The following TSPAN11 variants were observed in gnomAD, a reference collection of about 807,000 sequenced individuals.
The protein encoded by TSPAN11 is tetraspanin-11.
In TSPAN11, 29 loss-of-function variants were observed where a neutral mutation model predicts 32.9. That is an observed-to-expected ratio of 0.88 (90% confidence interval 0.66 to 1.20). TSPAN11 has a LOEUF of 1.20. Among genes scored for constraint, TSPAN11 ranks in the 50% most tolerant of loss-of-function variants. TSPAN11 has a pLI of 0.00. For synonymous variants in TSPAN11, 140 were observed against 141.3 expected (o/e 0.99, Z 0.07); for missense variants, 283 against 329.1 (o/e 0.86, Z 1.08).
chr12:30,958,365 T>C (rs886097936), intron 2 of TSPAN11, among the ~76,000 whole-genome samples: 3 of 152,128 alleles, frequency 2.0e-5, no homozygotes, highest in Non-Finnish European at 4.4e-5. Context: ...AGCAGGAGCA[T>C]GGGCAGAGCT....
intron 1 of TSPAN11, among the ~76,000 whole-genome samples, chr12:30,931,606 G>A (rs61916733): frequency 0.11 from 16,248 of 152,062 alleles, 944 homozygotes; most frequent in African/African-American, 0.13. Flanking sequence ...CTGGCTGGGC[G>A]CGGTGGCTCA....
Position 30,991,925 on chromosome 12 carries a change from ACCT to A in TSPAN11, c.*15_*17del. 2 of 1,613,756 alleles carry A rather than the reference ACCT, an allele frequency of 1.2e-6. No homozygotes were observed. Among genetic ancestry groups the A allele is most frequent in the Non-Finnish European group, 1.7e-6 (2 of 1,179,924 alleles). On this transcript the variant is annotated 3_prime_UTR_variant, in exon 8 of 8. Coordinates refer to ENST00000546076, the MANE Select transcript of TSPAN11 (RefSeq NM_001370302.1). Reference sequence around the variant, plus strand: ...GCGGCATTTTTACTAATGGCCAACCACCTCCTCTTCCAACTGCCCCTCAAGACA... The same window carrying A: ...GCGGCATTTTTACTAATGGCCAACCACCTCTTCCAACTGCCCCTCAAGACA...
chr12:30,950,656 T>A (rs1270510594), intron 1 of TSPAN11, among the ~76,000 whole-genome samples: 1 of 152,232 alleles, frequency 6.6e-6, no homozygotes, highest in Non-Finnish European at 1.5e-5. Flanking sequence ...AGTTTGCAGG[T>A]AAGCAGCTCA....
At position 30,979,535 on chromosome 12, in the gene TSPAN11, C is replaced by A. The variant is rs1939044883; in HGVS notation, c.352-31C>A. On this transcript the variant is annotated intron_variant, in intron 4 of 7. Transcript: ENST00000546076. ...CAGGGCAGGGGTGGGGCTGGTCCCGCTGATGGGGACTTCGCTCCTACCCTC... is the reference window on the plus strand; with the variant it reads ...CAGGGCAGGGGTGGGGCTGGTCCCGATGATGGGGACTTCGCTCCTACCCTC... The A allele has an allele frequency of 2.5e-6, 4 of 1,610,014 alleles. No homozygotes were observed. In the South Asian group the frequency reaches 4.4e-5, roughly 18 times the overall value.
In TSPAN11 at chr12:30,992,913, G is replaced by C. The variant is rs1366000097; in HGVS notation, c.*998G>C. On this transcript the variant is annotated 3_prime_UTR_variant, in exon 8 of 8. Transcript: ENST00000546076. ...GCCACCACCACACTGCTTCCAGGGG[G>C]TCCAGCTCTGCTTCCCTTCCCACCT... 6.6e-6 allele frequency: 1 copy of C among 152,450 alleles called. No individual in the cohort carries two copies. Among genetic ancestry groups the C allele is most frequent in the Non-Finnish European group, 1.5e-5 (1 of 68,238 alleles). The allele number at this position is 152,450 out of a possible 1,614,324, so 9.4% of individuals were successfully genotyped here.
chr12:30,954,363 C>A, intron 2 of TSPAN11: 2 of 360,128 alleles, frequency 5.6e-6, no homozygotes, highest in Non-Finnish European at 1.0e-5. Context: ...ACAAAGGGTC[C>A]GGTTCTTTCT....
intron 1 of TSPAN11, among the ~76,000 whole-genome samples, chr12:30,950,786 TAACATCAGCATTCCCACC>T (rs1938366518): frequency 6.6e-6 from 1 of 152,112 alleles, no homozygotes; most frequent in African/African-American, 2.4e-5. Flanking sequence ...GCTCCAGCCA[TAACATCAGCATTCCCACC>T]AACAGAAAGA....
rs745902708 is a variant in TSPAN11, at chr12:30,979,689, G to A, written c.456+19G>A. ...GCAGGATGTAAGCCATGCCCCATAT[G>A]GCCTTGAAGGCCAAGCCCACAAGGA... On this transcript the variant is annotated intron_variant, in intron 5 of 7. Coordinates refer to ENST00000546076, the MANE Select transcript of TSPAN11 (RefSeq NM_001370302.1). The A allele has an allele frequency of 2.5e-6, 4 of 1,612,198 alleles. No individual in the cohort carries two copies. The highest frequency in any genetic ancestry group is 1.1e-5 in the South Asian group (1 of 91,026).
chr12:30,981,691 C>T (rs35090), intron 5 of TSPAN11, among the ~76,000 whole-genome samples: 145,546 of 152,302 alleles, frequency 0.96, 69,592 homozygotes, highest in East Asian at 0.96. Context: ...CATCTTCTAC[C>T]ACGCGACAGT....
intron 1 of TSPAN11, among the ~76,000 whole-genome samples, chr12:30,940,024 A>G (rs918794322): frequency 6.6e-6 from 1 of 152,234 alleles, no homozygotes; most frequent in Non-Finnish European, 1.5e-5. Flanking sequence ...ACTCAGGGAG[A>G]AAAAGACGGG....
rs148830441 is a variant in TSPAN11 at position 30,983,217 on chromosome 12, C to T, written c.702+67C>T. On this transcript the variant is annotated intron_variant, in intron 7 of 7. Coordinates refer to ENST00000546076, the MANE Select transcript of TSPAN11 (RefSeq NM_001370302.1). ...GAACCCCTCTCCCATTGACACAGGT[C>T]TTCAGTAACCACCTGGGCTGAAATA... The T allele has an allele frequency of 7.3e-5, 107 of 1,461,370 alleles. No homozygotes were observed. In the East Asian group the frequency reaches 2.5e-3, roughly 34 times the overall value. 90.5% of individuals were successfully genotyped at this position (1,461,370 alleles called of 1,614,324 possible).
At chr12:30,951,245 C>T (rs1202677905) in intron 1 of TSPAN11, among the ~76,000 whole-genome samples, 1 of 152,202 alleles carries the variant, frequency 6.6e-6, no homozygotes, top group Non-Finnish European at 1.5e-5. Context: ...TATACCATTT[C>T]CTGGCCAGCA....
intron 2 of TSPAN11, among the ~76,000 whole-genome samples, chr12:30,955,624 A>C (rs1462039047): frequency 1.3e-5 from 2 of 152,188 alleles, no homozygotes; most frequent in South Asian, 2.1e-4. Flanking sequence ...GTCAAAAATC[A>C]AGGTGTCACA....
chr12:31,007,781 G>T, the TSPAN11 span, among the ~76,000 whole-genome samples: 1 of 152,122 alleles, frequency 6.6e-6, no homozygotes, highest in Non-Finnish European at 1.5e-5. Context: ...TGCTAGTAAT[G>T]AACCTGCCAA....
rs566601090 is a variant in TSPAN11 at position 30,928,218 on chromosome 12, A to G, written c.-12+1422A>G. Among the ~76,000 whole-genome samples, 10 of 152,344 alleles carry G rather than the reference A, an allele frequency of 6.6e-5. No homozygotes were observed. The East Asian group carries it at 1.9e-3, about 29-fold the overall frequency. The stretch of plus-strand genomic sequence containing the variant: ...GGCGTTGATGTCTTTAAGTCTGCCT[A>G]GAGCACCTTGACTTTCCAGAGAGCC... On this transcript the variant is annotated intron_variant, in intron 1 of 7. Coordinates refer to ENST00000546076, the MANE Select transcript of TSPAN11 (RefSeq NM_001370302.1).
intron 7 of TSPAN11, among the ~76,000 whole-genome samples, chr12:30,983,992 C>T (rs533589013): frequency 6.6e-6 from 1 of 152,292 alleles, no homozygotes; most frequent in East Asian, 1.9e-4. Context: ...CTCCCTGTAC[C>T]CTCTCCCCTA....
intron 1 of TSPAN11, among the ~76,000 whole-genome samples, chr12:30,941,526 T>G (rs1489849754): frequency 6.6e-6 from 1 of 152,226 alleles, no homozygotes; most frequent in Non-Finnish European, 1.5e-5. Context: ...TGAGAAGAAC[T>G]GAGGCCCAAA....
intron 3 of TSPAN11, among the ~76,000 whole-genome samples, chr12:30,964,837 A>G (rs1354233800): frequency 1.3e-5 from 2 of 152,230 alleles, no homozygotes; most frequent in African/African-American, 4.8e-5. Context: ...TTTGAGTTAG[A>G]ATCTAAATTA....
At chr12:31,007,396 C>A in the TSPAN11 span, among the ~76,000 whole-genome samples, 4 of 151,948 alleles carry the variant, frequency 2.6e-5, no homozygotes, top group Non-Finnish European at 4.4e-5. Context: ...AACCCCAGGG[C>A]CCCCAAATTA....
Sources: gnomAD v4.1 joint callset for allele counts (sites outside exome capture counted in the v4.1 genomes callset) on GRCh38, gnomAD v4.1.1 for gene constraint, MANE v1.5 for transcripts, NCBI Gene and HGNC (gene_info 2026-07-23, HGNC 2026-07-21) for gene names.